The following SEMA6A variants were observed in gnomAD, a reference collection of about 807,000 sequenced individuals.
The protein encoded by SEMA6A is semaphorin-6A.
SEMA6A carries 25 observed loss-of-function variants against 96.8 expected under a neutral mutation model. The ratio of observed to expected loss-of-function variants is 0.26; its 90% CI spans 0.19 to 0.36. The LOEUF (loss-of-function observed/expected upper bound fraction) is 0.36. Ranked by LOEUF, SEMA6A falls within the 10% of genes least tolerant of loss-of-function variation. SEMA6A has a pLI of 1.00. For missense variants in SEMA6A, 1,363 were observed against 1,323.1 expected (o/e 1.03, Z -0.47); for synonymous variants, 612 against 518.0 (o/e 1.18, Z -2.46).
intron 16 of SEMA6A, among the ~76,000 whole-genome samples, chr5:116,473,682 C>T (rs1036468575): frequency 6.6e-6 from 1 of 152,226 alleles, no homozygotes; most frequent in Non-Finnish European, 1.5e-5. Flanking sequence ...GTGATTTCCT[C>T]ATTTCCCTTT....
At chr5:116,530,631 G>A (rs1759428764) in intron 1 of SEMA6A, among the ~76,000 whole-genome samples, 1 of 152,006 alleles carries the variant, frequency 6.6e-6, no homozygotes, top group South Asian at 2.1e-4. Context: ...GCGTTCATGG[G>A]TGCTTTTAAG....
chr5:116,478,303 AAC>A (rs1756568270), intron 13 of SEMA6A, 149 bp from the exon 14 acceptor site: 3 of 873,186 alleles, frequency 3.4e-6, no homozygotes, highest in Non-Finnish European at 5.3e-6. Flanking sequence ...CACACACGTA[AAC>A]ACACACATGT....
intron 1 of SEMA6A, among the ~76,000 whole-genome samples, chr5:116,546,562 A>G (rs921396261): frequency 2.6e-5 from 4 of 152,186 alleles, no homozygotes; most frequent in Non-Finnish European, 4.4e-5. Context: ...ATCAGGCCTG[A>G]GCATCTACAT....
intron 18 of SEMA6A, among the ~76,000 whole-genome samples, chr5:116,452,723 AG>A (rs1754719484): frequency 6.6e-6 from 1 of 152,210 alleles, no homozygotes; most frequent in Non-Finnish European, 1.5e-5. Flanking sequence ...TTCCGTGCAA[AG>A]GGAACCTAGC....
At chr5:116,458,483 T>A (rs1355274079) in intron 18 of SEMA6A, among the ~76,000 whole-genome samples, 2 of 152,088 alleles carry the variant, frequency 1.3e-5, no homozygotes, top group Non-Finnish European at 2.9e-5. Flanking sequence ...GGCTAGAGAT[T>A]AAAGGTGAGA....
At chr5:116,554,462 A>C (rs1760533692) in intron 1 of SEMA6A, among the ~76,000 whole-genome samples, 1 of 152,214 alleles carries the variant, frequency 6.6e-6, no homozygotes, top group Admixed American at 6.5e-5. Flanking sequence ...TCTAGCAAAA[A>C]TATTTGCACA....
rs1754342672 is a variant in SEMA6A, at chr5:116,447,787, T to C, written c.1919A>G (p.Lys640Arg). 1 of 1,601,616 alleles carries C rather than the reference T, an allele frequency of 6.2e-7. No individual in the cohort carries two copies. Among genetic ancestry groups the C allele is most frequent in the Non-Finnish European group, 8.5e-7 (1 of 1,170,784 alleles). ...GACGGGAACCAGCTGGTCGTGGCCTTTGAGGTAACTTTCCCGAATCACTCC... is the reference window on the plus strand; with the variant it reads ...GACGGGAACCAGCTGGTCGTGGCCTCTGAGGTAACTTTCCCGAATCACTCC... ...KKGVIRESYL[K>R]GHDQLVPVTL... Residue 640 changes from lysine to arginine, a missense_variant, in exon 19 of 19, where the codon AAA (lysine) becomes AGA (arginine). Lys to Arg is a conservative substitution (Grantham distance 26). Around this residue, in one of 2 missense-constraint regions of SEMA6A, gnomAD observed 883 missense variants for 763.6 expected, o/e 1.16. Transcript: ENST00000343348.
chr5:116,484,145 G>A (rs1198301020), intron 10 of SEMA6A, among the ~76,000 whole-genome samples: 4 of 150,338 alleles, frequency 2.7e-5, no homozygotes, highest in East Asian at 1.9e-4. Context: ...ATTTGATTTC[G>A]TAACACTCTC....
At chr5:116,485,626 T>C (rs1757013065) in intron 10 of SEMA6A, among the ~76,000 whole-genome samples, 4 of 152,248 alleles carry the variant, frequency 2.6e-5, no homozygotes, top group Admixed American at 2.6e-4. Context: ...TTCTTAAGCA[T>C]TTCTTTCTAG....
chr5:116,566,123 G>C (rs1292580133), intron 1 of SEMA6A, among the ~76,000 whole-genome samples: 1 of 152,040 alleles, frequency 6.6e-6, no homozygotes, highest in African/African-American at 2.4e-5. Flanking sequence ...TTTTCCAATG[G>C]CATGTTTTCA....
At chr5:116,456,388 G>A (rs142168193) in intron 18 of SEMA6A, among the ~76,000 whole-genome samples, 2 of 152,118 alleles carry the variant, frequency 1.3e-5, no homozygotes, top group Non-Finnish European at 2.9e-5. Flanking sequence ...CATATCTAAG[G>A]TCTCATTGGA....
chr5:116,496,696 G>A (rs928062641), intron 4 of SEMA6A, among the ~76,000 whole-genome samples: 1 of 152,130 alleles, frequency 6.6e-6, no homozygotes, highest in Non-Finnish European at 1.5e-5. Context: ...TTTTTATAAA[G>A]AAGGCTTTTT....
At chr5:116,522,923 G>A (rs977062068) in intron 1 of SEMA6A, among the ~76,000 whole-genome samples, 7 of 152,080 alleles carry the variant, frequency 4.6e-5, no homozygotes, top group African/African-American at 1.7e-4. Flanking sequence ...AGTCATCTTC[G>A]ACCATCTCAG....
chr5:116,447,818 T>C lies in SEMA6A; in HGVS notation c.1895-7A>G, dbSNP rs372657702. 1.0e-5 allele frequency: 16 copies of C among 1,578,822 alleles called. No homozygotes were observed. The highest frequency in any genetic ancestry group is 1.7e-4 in the Middle Eastern group (1 of 5,942). ...TAACTTTCCCGAATCACTCCTGCAA[T>C]AGACATCGCATATGGCGTTAAGAAA... On this transcript the variant is annotated splice_region_variant and splice_polypyrimidine_tract_variant and intron_variant, in intron 18 of 18. Transcript: ENST00000343348.
chr5:116,552,080 C>A (rs254233), intron 1 of SEMA6A, among the ~76,000 whole-genome samples: 109,275 of 151,668 alleles, frequency 0.72, 39,623 homozygotes, highest in East Asian at 0.86. Context: ...ACCAAATGTC[C>A]CTGACACCAG....
chr5:116,487,002 AT>A (rs760755540), intron 9 of SEMA6A, 36 bp from the exon 10 acceptor site: 1 of 1,483,134 alleles, frequency 6.7e-7, no homozygotes, highest in Non-Finnish European at 9.4e-7. Flanking sequence ...AATTAAATGC[AT>A]TCATTTTGCA....
intron 1 of SEMA6A, among the ~76,000 whole-genome samples, chr5:116,538,052 G>C (rs1181048544): frequency 6.6e-6 from 1 of 152,216 alleles, no homozygotes; most frequent in Non-Finnish European, 1.5e-5. Context: ...GCGCATGCCT[G>C]TAATCTCAGC....
chr5:116,543,029 CAT>C (rs764045810), intron 1 of SEMA6A, among the ~76,000 whole-genome samples: 42 of 152,104 alleles, frequency 2.8e-4, no homozygotes, highest in African/African-American at 1.0e-3. Flanking sequence ...AATAGCATAT[CAT>C]AAAGTTGAAG....
At chr5:116,453,350 A>T (rs911964411) in intron 18 of SEMA6A, among the ~76,000 whole-genome samples, 1 of 152,204 alleles carries the variant, frequency 6.6e-6, no homozygotes, top group Non-Finnish European at 1.5e-5. Context: ...TCTTCCTTCT[A>T]AAGTGTCCCC....
Sources: allele counts gnomAD v4.1 joint callset (sites outside exome capture counted in the v4.1 genomes callset), GRCh38; gene constraint gnomAD v4.1.1; regional missense constraint gnomAD v4.1.1; transcripts MANE v1.5; gene names NCBI Gene and HGNC (gene_info 2026-07-23, HGNC 2026-07-21).